Variants in PLCL1 observed in about 807,000 individuals in gnomAD.
The protein encoded by PLCL1 is inactive phospholipase C-like protein 1.
A neutral mutation model predicts 84.4 loss-of-function variants in PLCL1; 41 were observed. That is an observed-to-expected ratio of 0.49 (90% confidence interval 0.38 to 0.63). PLCL1 has a LOEUF of 0.63. Among genes scored for constraint, PLCL1 ranks in the 30% least tolerant of loss-of-function variants. PLCL1 has a pLI of 0.00. For synonymous variants in PLCL1, 490 were observed against 488.3 expected (o/e 1.00, Z -0.05); for missense variants, 1,206 against 1,367.8 (o/e 0.88, Z 1.87).
At chr2:197,872,773 C>T (rs1687670968) in intron 1 of PLCL1, among the ~76,000 whole-genome samples, 1 of 151,956 alleles carries the variant, frequency 6.6e-6, no homozygotes, top group South Asian at 2.1e-4. Flanking sequence ...GTTTAAAATG[C>T]CAGTAAGATA....
intron 5 of PLCL1, among the ~76,000 whole-genome samples, chr2:198,120,688 AC>A (rs1488925641): frequency 6.6e-6 from 1 of 151,966 alleles, no homozygotes; most frequent in African/African-American, 2.4e-5. Flanking sequence ...CTCCATATGT[AC>A]TATCACATTT....
intron 1 of PLCL1, among the ~76,000 whole-genome samples, chr2:197,910,986 A>C (rs982898501): frequency 6.6e-6 from 1 of 152,214 alleles, no homozygotes; most frequent in Non-Finnish European, 1.5e-5. Context: ...CTAAGCCTGA[A>C]CACATTGTGA....
chr2:197,943,482 C>T (rs756130843), intron 1 of PLCL1, among the ~76,000 whole-genome samples: 17 of 152,068 alleles, frequency 1.1e-4, no homozygotes, highest in Non-Finnish European at 1.5e-4. Context: ...TTTACCTCCT[C>T]ATGTGAAAAT....
chr2:197,949,517 G>A (rs1689347964), intron 1 of PLCL1, among the ~76,000 whole-genome samples: 1 of 152,138 alleles, frequency 6.6e-6, no homozygotes, highest in African/African-American at 2.4e-5. Flanking sequence ...CCCTATTTGT[G>A]AAAATACCTT....
At chr2:198,068,332 T>C (rs926499499) in intron 1 of PLCL1, among the ~76,000 whole-genome samples, 3 of 152,258 alleles carry the variant, frequency 2.0e-5, no homozygotes, top group Non-Finnish European at 1.5e-5. Context: ...TGAAACATTA[T>C]TTTGAAACAA....
chr2:197,897,119 T>C (rs1175638304), intron 1 of PLCL1, among the ~76,000 whole-genome samples: 13 of 36,164 alleles, frequency 3.6e-4, no homozygotes, highest in Admixed American at 5.4e-4. Flanking sequence ...TTCTTCTTCT[T>C]CTTCTTCTTC....
At chr2:198,024,794 C>T (rs556113155) in intron 1 of PLCL1, among the ~76,000 whole-genome samples, 2 of 151,624 alleles carry the variant, frequency 1.3e-5, no homozygotes, top group Admixed American at 6.6e-5. Context: ...ACGAGTGGTA[C>T]CTTTTTTTGC....
rs1273859115 is a variant in PLCL1 at position 198,050,075 on chromosome 2, G to A, written c.241-33683G>A. 2.0e-5 allele frequency among the ~76,000 whole-genome samples: 3 copies of A among 152,288 alleles called. No homozygotes were observed. The East Asian group carries it at 5.8e-4, about 29-fold the overall frequency. Reference sequence around the variant, plus strand: ...CTCTGCAGGCCGGACTGGTTGAAGAGGGCAACGAGGTGAGGTTTCGTGAGT... The same window carrying A: ...CTCTGCAGGCCGGACTGGTTGAAGAAGGCAACGAGGTGAGGTTTCGTGAGT... On this transcript the variant is annotated intron_variant, in intron 1 of 5. Transcript: ENST00000428675.
At chr2:198,031,562 C>T (rs1691424171) in intron 1 of PLCL1, among the ~76,000 whole-genome samples, 1 of 151,722 alleles carries the variant, frequency 6.6e-6, no homozygotes, top group African/African-American at 2.4e-5. Context: ...GTGATCAGAG[C>T]TCACTGCAGC....
At chr2:197,879,412 A>T (rs1044658210) in intron 1 of PLCL1, among the ~76,000 whole-genome samples, 1 of 152,156 alleles carries the variant, frequency 6.6e-6, no homozygotes, top group African/African-American at 2.4e-5. Flanking sequence ...TGTGTATCAG[A>T]GCTGGTCTGA....
At chr2:197,826,526 T>C (rs1254553887) in intron 1 of PLCL1, among the ~76,000 whole-genome samples, 1 of 152,196 alleles carries the variant, frequency 6.6e-6, no homozygotes, top group Admixed American at 6.5e-5. Context: ...TCCAAGGCCA[T>C]TGAAATTTAA....
intron 3 of PLCL1, among the ~76,000 whole-genome samples, chr2:198,100,105 A>C (rs1574311921): frequency 1.3e-5 from 2 of 152,106 alleles, no homozygotes; most frequent in East Asian, 3.9e-4. Flanking sequence ...GTTTTATTGC[A>C]CACACATATG....
At chr2:198,081,739 A>G (rs1358255054) in intron 1 of PLCL1, among the ~76,000 whole-genome samples, 2 of 152,154 alleles carry the variant, frequency 1.3e-5, no homozygotes, top group Non-Finnish European at 2.9e-5. Context: ...ACTAAAGCAA[A>G]TTTTGTTTCC....
At chr2:197,926,831 T>C (rs1038436759) in intron 1 of PLCL1, among the ~76,000 whole-genome samples, 1 of 152,146 alleles carries the variant, frequency 6.6e-6, no homozygotes, top group East Asian at 1.9e-4. Flanking sequence ...GGCTATCCTG[T>C]GGTACTCGTT....
chr2:197,879,929 C>A (rs1255727658), intron 1 of PLCL1, among the ~76,000 whole-genome samples: 1 of 152,016 alleles, frequency 6.6e-6, no homozygotes, highest in East Asian at 1.9e-4. Flanking sequence ...TATTTAATGT[C>A]CAAAAGAGAA....
intron 1 of PLCL1, among the ~76,000 whole-genome samples, chr2:198,039,504 T>C (rs1691612810): frequency 6.6e-6 from 1 of 152,206 alleles, no homozygotes; most frequent in African/African-American, 2.4e-5. Context: ...TATACCCATG[T>C]GTATACTGTG....
intron 5 of PLCL1, among the ~76,000 whole-genome samples, chr2:198,146,173 A>G (rs1024588272): frequency 2.0e-5 from 3 of 152,124 alleles, no homozygotes; most frequent in Non-Finnish European, 2.9e-5. Context: ...CTTTTTCTCC[A>G]TCTGCCAGGT....
chr2:198,120,467 C>A (rs1378118326), intron 5 of PLCL1, among the ~76,000 whole-genome samples: 2 of 152,006 alleles, frequency 1.3e-5, no homozygotes, highest in African/African-American at 4.8e-5. Flanking sequence ...TCCCCTCATT[C>A]CCCACTACCC....
chr2:197,837,098 C>A (rs921228431), intron 1 of PLCL1, among the ~76,000 whole-genome samples: 3 of 152,034 alleles, frequency 2.0e-5, no homozygotes, highest in Admixed American at 1.3e-4. Flanking sequence ...TTAGAGTCTC[C>A]TTGGAAAGGG....
Sources: gnomAD v4.1 joint callset for allele counts (sites outside exome capture counted in the v4.1 genomes callset) on GRCh38, gnomAD v4.1.1 for gene constraint, MANE v1.5 for transcripts, NCBI Gene and HGNC (gene_info 2026-07-23, HGNC 2026-07-21) for gene names.